The following PRKCB variants were observed in gnomAD, a reference collection of about 807,000 sequenced individuals.
PRKCB encodes protein kinase C beta.
Under a neutral mutation model 81.5 loss-of-function variants are expected in PRKCB, and 13 were observed. The ratio of observed to expected loss-of-function variants is 0.16; its 90% confidence interval spans 0.10 to 0.25. The LOEUF (loss-of-function observed/expected upper bound fraction) is 0.25, where lower values mean the gene tolerates loss of function less well. PRKCB is among the 10% of genes least tolerant of loss of function. The pLI is 1.00. For missense variants in PRKCB, 509 were observed against 875.7 expected (o/e 0.58, Z 5.29); for synonymous variants, 335 against 321.4 (o/e 1.04, Z -0.45).
At chr16:24,017,323 G>A (rs1425877876) in intron 3 of PRKCB, among the ~76,000 whole-genome samples, 13 of 152,186 alleles carry the variant, frequency 8.5e-5, no homozygotes, top group Admixed American at 8.5e-4. Context: ...AGAAATAAAG[G>A]TCTTTCTTGA....
At chr16:24,096,557 T>C (rs1966441712) in intron 7 of PRKCB, among the ~76,000 whole-genome samples, 1 of 151,320 alleles carries the variant, frequency 6.6e-6, no homozygotes, top group South Asian at 2.1e-4. Flanking sequence ...TTAGCAAGTC[T>C]GGCCACAGAT....
intron 2 of PRKCB, among the ~76,000 whole-genome samples, chr16:23,974,358 G>A (rs1022196374): frequency 1.3e-5 from 2 of 152,166 alleles, no homozygotes; most frequent in Admixed American, 1.3e-4. Context: ...GAAGTCCCTT[G>A]GATTGACAAG....
intron 2 of PRKCB, among the ~76,000 whole-genome samples, chr16:23,970,510 G>C (rs1396865833): frequency 6.6e-6 from 1 of 152,198 alleles, no homozygotes; most frequent in Non-Finnish European, 1.5e-5. Context: ...GGGTCTAAGA[G>C]TGAAGGCACC....
intron 2 of PRKCB, among the ~76,000 whole-genome samples, chr16:23,897,244 C>T (rs554969170): frequency 3.9e-5 from 6 of 152,130 alleles, no homozygotes; most frequent in African/African-American, 4.8e-5. Flanking sequence ...CAGGGAGGGA[C>T]GCAGTGGGAA....
chr16:24,077,483 A>C (rs57653725), intron 5 of PRKCB, among the ~76,000 whole-genome samples: 13,623 of 146,366 alleles, frequency 0.093, 764 homozygotes, highest in African/African-American at 0.14. Context: ...ACATGCATTC[A>C]TCTCTCCATC....
At chr16:24,054,841 T>C (rs1965884797) in intron 5 of PRKCB, among the ~76,000 whole-genome samples, 1 of 152,248 alleles carries the variant, frequency 6.6e-6, no homozygotes, top group East Asian at 1.9e-4. Context: ...TTGTGCATGA[T>C]GTAAACATGG....
At chr16:24,070,739 G>T (rs1174580166) in intron 5 of PRKCB, among the ~76,000 whole-genome samples, 1 of 152,182 alleles carries the variant, frequency 6.6e-6, no homozygotes, top group Non-Finnish European at 1.5e-5. Flanking sequence ...CAGCCAGGAA[G>T]TGGTATCACT....
rs555251532 is a variant in PRKCB at position 24,013,223 on chromosome 16, A to G, written c.289-18913A>G. Among the ~76,000 whole-genome samples the G allele has an allele frequency of 3.9e-5, 6 of 152,310 alleles. No individual in the cohort carries two copies. In the South Asian group the frequency reaches 1.0e-3, roughly 26 times the overall value. On this transcript the variant is annotated intron_variant, in intron 3 of 16. Transcript: ENST00000643927. Reference sequence around the variant, plus strand: ...ACCACATACCTCTTCTTGCTGTCACATATCTTAGGGACATCTAAATATTAG... The same window carrying G: ...ACCACATACCTCTTCTTGCTGTCACGTATCTTAGGGACATCTAAATATTAG...
intron 2 of PRKCB, among the ~76,000 whole-genome samples, chr16:23,928,764 G>T (rs1193641994): frequency 6.6e-6 from 1 of 151,804 alleles, no homozygotes; most frequent in Non-Finnish European, 1.5e-5. Flanking sequence ...TGTTGCCCAG[G>T]CTGGAGTGCA....
At chr16:23,921,104 T>G (rs1003903178) in intron 2 of PRKCB, among the ~76,000 whole-genome samples, 20 of 152,282 alleles carry the variant, frequency 1.3e-4, no homozygotes, top group African/African-American at 3.8e-4. Flanking sequence ...ACCCCCATGA[T>G]TCAGTTATTT....
In PRKCB at chr16:24,215,489, C is replaced by T; in HGVS notation, c.*673C>T. 4 of 985,738 alleles carry T rather than the reference C, an allele frequency of 4.1e-6. No homozygotes were observed. The highest frequency in any genetic ancestry group is 4.8e-6 in the Non-Finnish European group (4 of 829,900). The allele number at this position is 985,738 out of a possible 1,614,324, so 61.1% of individuals were successfully genotyped here. A position where few individuals can be genotyped will look rare whatever the true frequency, so the allele number is the denominator to read the frequency against. Reference sequence around the variant, plus strand: ...TTCTGATACTTTATGTCTTTGCTCACCCTCATCCCCAAACTACTTGAAAAG... The same window carrying T: ...TTCTGATACTTTATGTCTTTGCTCATCCTCATCCCCAAACTACTTGAAAAG... On this transcript the variant is annotated 3_prime_UTR_variant, in exon 17 of 17. Coordinates refer to ENST00000643927, the MANE Select transcript of PRKCB (RefSeq NM_002738.7).
At chr16:23,886,443 C>T (rs1352962845) in intron 2 of PRKCB, among the ~76,000 whole-genome samples, 4 of 121,520 alleles carry the variant, frequency 3.3e-5, no homozygotes, top group East Asian at 2.5e-4. Context: ...GATGAAGTCT[C>T]ACTCTGTCGC....
Position 23,923,701 on chromosome 16 carries a change from T to A in PRKCB, c.206-64807T>A, listed in dbSNP as rs181405186. On this transcript the variant is annotated intron_variant, in intron 2 of 16. Transcript: ENST00000643927. ...TGCTACCCCCAAAATGGTGTGTTTGTGCAGCTCTAATAATGACAGGGTTTC... is the reference window on the plus strand; with the variant it reads ...TGCTACCCCCAAAATGGTGTGTTTGAGCAGCTCTAATAATGACAGGGTTTC... Among the ~76,000 whole-genome samples, 95 of 152,220 alleles carry A rather than the reference T, an allele frequency of 6.2e-4. 3 individuals carry two copies. Among genetic ancestry groups the A allele is most frequent in the Non-Finnish European group, 1.2e-4 (8 of 67,976 alleles).
chr16:24,178,898 G>A (rs944211546), intron 12 of PRKCB, among the ~76,000 whole-genome samples: 4 of 152,090 alleles, frequency 2.6e-5, no homozygotes, highest in Non-Finnish European at 5.9e-5. Context: ...GCATTTATTG[G>A]TGACATAACT....
intron 12 of PRKCB, among the ~76,000 whole-genome samples, chr16:24,175,839 G>T (rs2141968701): frequency 6.6e-6 from 1 of 152,018 alleles, no homozygotes; most frequent in Non-Finnish European, 1.5e-5. Flanking sequence ...AGGTGTGATG[G>T]TGCATACCTA....
chr16:23,882,008 T>TTCTCTTTCTTTCTTTCTTTC (rs763413737), intron 2 of PRKCB, among the ~76,000 whole-genome samples: 34 of 97,902 alleles, frequency 3.5e-4, no homozygotes, highest in South Asian at 1.2e-3. Flanking sequence ...CTTTCTTTCT[T>TTCTCTTTCTTTCTTTCTTTC]TCTTTCTTTC....
At chr16:23,993,059 C>A (rs933688734) in intron 3 of PRKCB, among the ~76,000 whole-genome samples, 1 of 152,146 alleles carries the variant, frequency 6.6e-6, no homozygotes, top group African/African-American at 2.4e-5. Context: ...CCAGGCAATG[C>A]TGATTCTTGT....
At chr16:23,887,491 C>T (rs968060409) in intron 2 of PRKCB, among the ~76,000 whole-genome samples, 2 of 152,170 alleles carry the variant, frequency 1.3e-5, no homozygotes, top group Non-Finnish European at 2.9e-5. Context: ...GGATAATGGC[C>T]TTCAGCTGCA....
chr16:23,872,049 G>T (rs879780418), intron 2 of PRKCB, among the ~76,000 whole-genome samples: 2 of 152,192 alleles, frequency 1.3e-5, no homozygotes, highest in Non-Finnish European at 2.9e-5. Context: ...TAATTGTCAA[G>T]AACATGCTAC....
Sources: allele counts gnomAD v4.1 joint callset (sites outside exome capture counted in the v4.1 genomes callset), GRCh38; gene constraint gnomAD v4.1.1; transcripts MANE v1.5; gene names NCBI Gene and HGNC (gene_info 2026-07-23, HGNC 2026-07-21).